PALB2: variants seen among roughly 807,000 people sequenced by gnomAD.
PALB2 encodes partner and localizer of BRCA2, also known as mutant partner and localizer of BRCA2.
PALB2 carries 82 observed loss-of-function variants against 107.4 expected under a neutral mutation model. The observed-to-expected ratio is 0.76, with a 90% CI of 0.64 to 0.92. PALB2 has a LOEUF of 0.92. Among genes scored for constraint, PALB2 ranks in the 40% least tolerant of loss-of-function variants. The pLI is 0.00. For synonymous variants in PALB2, 489 were observed against 496.8 expected (o/e 0.98, Z 0.21); for missense variants, 1,374 against 1,379.9 (o/e 1.00, Z 0.07).
chr16:23,634,639 TTTTATTTATTTA>T lies in PALB2; in HGVS notation c.1684+211_1684+222del, dbSNP rs60066032. ...CAACAGTGAGCCCCTGTCTCTTTAT[TTTTATTTATTTA>T]TTTATTTATTTATTTATTTATTTAT... is the stretch of plus-strand genomic sequence containing the variant. On this transcript the variant is annotated intron_variant, in intron 4 of 12. Coordinates refer to ENST00000261584, the MANE Select transcript of PALB2 (RefSeq NM_024675.4). 0.18 allele frequency among the ~76,000 whole-genome samples: 26,637 copies of T among 146,786 alleles called. 2,521 individuals are homozygous for T. Among genetic ancestry groups the T allele is most frequent in the African/African-American group, 0.22 (8,700 of 39,810 alleles).
intron 11 of PALB2, among the ~76,000 whole-genome samples, chr16:23,611,686 G>A (rs755276651): frequency 2.0e-5 from 3 of 152,076 alleles, no homozygotes; most frequent in Non-Finnish European, 4.4e-5. Context: ...TTGAATTCCC[G>A]ACCTCAGGTG....
chr16:23,622,387 TTG>T (rs142078087), intron 9 of PALB2, among the ~76,000 whole-genome samples: 94 of 148,840 alleles, frequency 6.3e-4, no homozygotes, highest in Non-Finnish European at 1.2e-3. Context: ...TTAAAAATAT[TTG>T]TGTGTGTGTG....
chr16:23,625,288 G>T (rs1002360654), intron 7 of PALB2, among the ~76,000 whole-genome samples: 34 of 151,940 alleles, frequency 2.2e-4, no homozygotes, highest in Admixed American at 2.1e-3. Flanking sequence ...AGCCAAGATC[G>T]CCCCACTGCA....
chr16:23,630,013 T>C lies in PALB2; in HGVS notation c.2141A>G (p.Asp714Gly), dbSNP rs1376899987. 1 of 1,614,138 alleles carries C rather than the reference T, an allele frequency of 6.2e-7. No homozygotes were observed. The highest frequency in any genetic ancestry group is 1.7e-5 in the Admixed American group (1 of 60,010). Residue 714 changes from aspartate (D) to glycine (G), a missense_variant, in exon 5 of 13, where the codon GAT (aspartate) becomes GGT (glycine). By Grantham distance (94) the Asp-to-Gly change is moderately conservative. Coordinates refer to ENST00000261584, the MANE Select transcript of PALB2 (RefSeq NM_024675.4). ...LYTPLNTVAP[D>G]DNDRPTTDMC... Reference sequence around the variant, plus strand: ...GTCTGTGGTAGGCCTGTCATTATCATCAGGCGCAACCGTATTTAAAGGAGT... The same window carrying C: ...GTCTGTGGTAGGCCTGTCATTATCACCAGGCGCAACCGTATTTAAAGGAGT...
intron 8 of PALB2, 70 bp from the exon 9 acceptor site, chr16:23,623,200 CTTTTT>C (rs754470879): frequency 3.0e-3 from 2,372 of 780,500 alleles, no homozygotes; most frequent in Middle Eastern, 3.7e-3. Flanking sequence ...ACTAGGTTCA[CTTTTT>C]TTTTTTTTTT....
At chr16:23,624,464 T>G (rs937262983) in intron 7 of PALB2, among the ~76,000 whole-genome samples, 3 of 152,186 alleles carry the variant, frequency 2.0e-5, no homozygotes, top group Non-Finnish European at 4.4e-5. Flanking sequence ...TTGTATATAT[T>G]TGGAGAGCAA....
In PALB2 at chr16:23,635,188, A is replaced by G. The variant is rs2142418402; in HGVS notation, c.1358T>C (p.Leu453Pro). 1 of 1,614,214 alleles carries G rather than the reference A, an allele frequency of 6.2e-7. No individual in the cohort carries two copies. Among genetic ancestry groups the G allele is most frequent in the Non-Finnish European group, 8.5e-7 (1 of 1,180,040 alleles). Residue 453 changes from leucine to proline, a missense_variant, in exon 4 of 13, where the codon CTT becomes CCT. Leu to Pro is a moderately conservative substitution (Grantham distance 98). Coordinates refer to ENST00000261584, the MANE Select transcript of PALB2 (RefSeq NM_024675.4). ...ACTTTGGTCAGTTTCCTCATTGGAA[A>G]GGTTTAAATTTTTACTTGCATCCTT... Reference protein sequence around the residue: ...KNKDASKNLNLSNEETDQSEI... With the variant: ...KNKDASKNLNPSNEETDQSEI...
rs192324555 is a variant in PALB2, at chr16:23,610,809, G to C, written c.3202-2797C>G. ...TCCCAGCATTTTGGGAGCGTGAGGC[G>C]GGTGGATCACAAAGTCAGGAGCTCA... On this transcript the variant is annotated intron_variant, in intron 11 of 12. Coordinates refer to ENST00000261584, the MANE Select transcript of PALB2 (RefSeq NM_024675.4). 2.1e-3 allele frequency among the ~76,000 whole-genome samples: 321 copies of C among 151,902 alleles called. 1 individual carries two copies. Among genetic ancestry groups the C allele is most frequent in the Middle Eastern group, 3.4e-3 (1 of 294 alleles).
At chr16:23,605,081 A>T (rs532830858) in intron 12 of PALB2, among the ~76,000 whole-genome samples, 2 of 152,280 alleles carry the variant, frequency 1.3e-5, no homozygotes, top group South Asian at 2.1e-4. Flanking sequence ...CTCAAAAAAA[A>T]AATTAGCTAT....
Position 23,641,254 on chromosome 16 carries a change from A to G in PALB2, c.-97T>C, listed in dbSNP as rs968965905. On this transcript the variant is annotated 5_prime_UTR_variant, in exon 1 of 13. Transcript: ENST00000261584. Reference sequence around the variant, plus strand: ...CCTGGGCCGGGGAGGCGCCCCAGGAAGGAATGGGGAGCCCGGGATCGCACC... The same window carrying G: ...CCTGGGCCGGGGAGGCGCCCCAGGAGGGAATGGGGAGCCCGGGATCGCACC... 53 of 1,468,300 alleles carry G rather than the reference A, an allele frequency of 3.6e-5. No homozygotes were observed. Among genetic ancestry groups the G allele is most frequent in the Non-Finnish European group, 4.5e-5 (48 of 1,070,966 alleles). 91.0% of individuals were successfully genotyped at this position (1,468,300 alleles called of 1,614,324 possible).
Position 23,603,318 on chromosome 16 carries a change from A to G in PALB2, c.*141T>C. 3 of 690,382 alleles carry G rather than the reference A, an allele frequency of 4.3e-6. No individual in the cohort carries two copies. Among genetic ancestry groups the G allele is most frequent in the Non-Finnish European group, 7.5e-6 (3 of 397,930 alleles). The allele number at this position is 690,382 out of a possible 1,614,324, so 42.8% of individuals were successfully genotyped here. Reference sequence around the variant, plus strand: ...CAAGATCAGTGGTGCTACCATCATTAGAATAAAAAATAAGTCTGTCTGGAC... The same window carrying G: ...CAAGATCAGTGGTGCTACCATCATTGGAATAAAAAATAAGTCTGTCTGGAC... On this transcript the variant is annotated 3_prime_UTR_variant, in exon 13 of 13. Coordinates refer to ENST00000261584, the MANE Select transcript of PALB2 (RefSeq NM_024675.4).
At chr16:23,619,937 G>A (rs1036278475) in intron 10 of PALB2, among the ~76,000 whole-genome samples, 5 of 152,074 alleles carry the variant, frequency 3.3e-5, no homozygotes, top group Non-Finnish European at 7.4e-5. Context: ...GCACCACCAC[G>A]CCTGGCTAAT....
chr16:23,629,927 A>G lies in PALB2; in HGVS notation c.2227T>C (p.Tyr743His), dbSNP rs1966858707. Reference sequence around the variant, plus strand: ...GCAACTTCTGTAGATGCTTTTTCATAGGAGCCTTGAGGGCCAAAGGCTGGA... The same window carrying G: ...GCAACTTCTGTAGATGCTTTTTCATGGGAGCCTTGAGGGCCAAAGGCTGGA... Reference protein sequence around the residue: ...TTPAFGPQGSYEKASTEVAGR... With the variant: ...TTPAFGPQGSHEKASTEVAGR... Residue 743 changes from tyrosine (Y) to histidine (H), a missense_variant, in exon 5 of 13, where the codon TAT (tyrosine) becomes CAT (histidine). Transcript: ENST00000261584. 6.2e-7 allele frequency: 1 copy of G among 1,614,104 alleles called. No homozygotes were observed. Among genetic ancestry groups the G allele is most frequent in the Admixed American group, 1.7e-5 (1 of 59,996 alleles).
At chr16:23,609,806 G>A (rs1002567972) in intron 11 of PALB2, among the ~76,000 whole-genome samples, 6 of 151,948 alleles carry the variant, frequency 3.9e-5, no homozygotes, top group South Asian at 2.1e-4. Context: ...GTGAGCCACC[G>A]CGCCTGGCCA....
intron 12 of PALB2, among the ~76,000 whole-genome samples, chr16:23,604,238 C>A (rs976737063): frequency 8.5e-5 from 13 of 152,204 alleles, no homozygotes; most frequent in Non-Finnish European, 1.8e-4. Context: ...GAAGCAGAAA[C>A]CTACCTGGTT....
chr16:23,609,854 A>T (rs1279187512), intron 11 of PALB2, among the ~76,000 whole-genome samples: 1 of 151,872 alleles, frequency 6.6e-6, no homozygotes, highest in Non-Finnish European at 1.5e-5. Flanking sequence ...TCTCACTGTC[A>T]CCTAGGCTGG....
chr16:23,603,512 G>T lies in PALB2; in HGVS notation c.3508C>A (p.His1170Asn), dbSNP rs200283306. 1.9e-6 allele frequency: 3 copies of T among 1,614,070 alleles called. No homozygotes were observed. Among genetic ancestry groups the T allele is most frequent in the Non-Finnish European group, 2.5e-6 (3 of 1,180,002 alleles). Residue 1170 changes from histidine (H) to asparagine (N), a missense_variant, in exon 13 of 13, where the codon CAT becomes AAT. By Grantham distance (68) the His-to-Asn change is moderately conservative. Coordinates refer to ENST00000261584, the MANE Select transcript of PALB2 (RefSeq NM_024675.4). ...CCATCTTTTTGTCCAGCCAGCAAAT[G>T]AGAGTCTGTACCCGACCATTTCACA... ...SFVKWSGTDS[H>N]LLAGQKDGNI...
At chr16:23,613,837 C>T (rs1966629975) in intron 11 of PALB2, among the ~76,000 whole-genome samples, 167 bp downstream of exon 11, 1 of 152,098 alleles carries the variant, frequency 6.6e-6, no homozygotes, top group African/African-American at 2.4e-5. Context: ...AATCACTGTA[C>T]CAACACTTAT....
chr16:23,613,713 T>C (rs1457678782), intron 11 of PALB2, among the ~76,000 whole-genome samples: 4 of 152,058 alleles, frequency 2.6e-5, no homozygotes, highest in African/African-American at 9.7e-5. Context: ...TACTTAAACA[T>C]GGCAATGTGG....
Sources: allele counts gnomAD v4.1 joint callset (sites outside exome capture counted in the v4.1 genomes callset), GRCh38; gene constraint gnomAD v4.1.1; transcripts MANE v1.5; gene names NCBI Gene and HGNC (gene_info 2026-07-23, HGNC 2026-07-21).